Variants in HHAT observed in about 807,000 individuals in gnomAD.
The protein encoded by HHAT is protein-cysteine N-palmitoyltransferase HHAT.
HHAT carries 47 observed loss-of-function variants against 70.8 expected under a neutral mutation model. That is an observed-to-expected ratio of 0.66 (90% confidence interval 0.53 to 0.85). The LOEUF (loss-of-function observed/expected upper bound fraction) is 0.85, where lower values mean the gene tolerates loss of function less well. Ranked by LOEUF, HHAT falls within the 40% of genes least tolerant of loss-of-function variation. The probability of loss-of-function intolerance (pLI) is 0.00; values close to 1 mark genes in which losing one functional copy is unlikely to be tolerated. For synonymous variants in HHAT, 228 were observed against 247.6 expected (o/e 0.92, Z 0.74); for missense variants, 609 against 604.8 (o/e 1.01, Z -0.07).
chr1:210,596,857 T>C (rs1433041742), intron 10 of HHAT, among the ~76,000 whole-genome samples: 1 of 152,180 alleles, frequency 6.6e-6, no homozygotes, highest in East Asian at 1.9e-4. Flanking sequence ...CATATTTTCA[T>C]GGATGGTTGT....
chr1:210,615,911 C>A (rs1667623051), intron 10 of HHAT, among the ~76,000 whole-genome samples: 1 of 152,198 alleles, frequency 6.6e-6, no homozygotes, highest in Non-Finnish European at 1.5e-5. Flanking sequence ...GGCAGTCTGT[C>A]TGTTCTCAGA....
intron 10 of HHAT, among the ~76,000 whole-genome samples, chr1:210,598,671 G>T (rs1161198551): frequency 1.3e-5 from 2 of 152,198 alleles, no homozygotes; most frequent in Non-Finnish European, 2.9e-5. Flanking sequence ...TGTACAAGTT[G>T]TCACTCCCCG....
chr1:210,356,609 T>G (rs577060285), intron 2 of HHAT, among the ~76,000 whole-genome samples: 3 of 152,238 alleles, frequency 2.0e-5, no homozygotes, highest in Non-Finnish European at 4.4e-5. Flanking sequence ...TTTGTTTATT[T>G]CTTTATAAAC....
Position 210,348,573 on chromosome 1 carries a change from C to G in HHAT, c.-43-360C>G, listed in dbSNP as rs540917374. ...TGCTAGGGGCTGGTGAGTCAGAGAT[C>G]ATGGTCCCTGCTATCTGAGGGTCCA... is the stretch of plus-strand genomic sequence containing the variant. On this transcript the variant is annotated intron_variant, in intron 1 of 11. Coordinates refer to ENST00000261458, the MANE Select transcript of HHAT (RefSeq NM_018194.6). 3.3e-5 allele frequency among the ~76,000 whole-genome samples: 5 copies of G among 152,288 alleles called. No homozygotes were observed. In the East Asian group the frequency reaches 9.7e-4, roughly 29 times the overall value.
intron 10 of HHAT, among the ~76,000 whole-genome samples, chr1:210,602,126 G>A (rs1159761457): frequency 6.6e-6 from 1 of 152,136 alleles, no homozygotes; most frequent in African/African-American, 2.4e-5. Context: ...GAGATTTCAT[G>A]GAGAGGAAGT....
intron 9 of HHAT, among the ~76,000 whole-genome samples, chr1:210,560,893 T>C (rs2095617451): frequency 6.6e-6 from 1 of 151,070 alleles, no homozygotes. Flanking sequence ...CTCTTTCTTT[T>C]TGATTTTAAA....
At chr1:210,507,612 G>T (rs958818469) in intron 8 of HHAT, among the ~76,000 whole-genome samples, 1 of 151,808 alleles carries the variant, frequency 6.6e-6, no homozygotes, top group African/African-American at 2.4e-5. Context: ...ACCTGCCTTG[G>T]CCTCCCAAAG....
At chr1:210,439,423 T>C (rs1472066518) in intron 7 of HHAT, among the ~76,000 whole-genome samples, 28 of 151,838 alleles carry the variant, frequency 1.8e-4, no homozygotes. Flanking sequence ...TCCAAACTCA[T>C]ACAGTCAGCT....
chr1:210,601,937 C>CAGAGAG (rs147826172), intron 10 of HHAT, among the ~76,000 whole-genome samples: 2,335 of 146,884 alleles, frequency 0.016, 51 homozygotes, highest in African/African-American at 0.049. Context: ...ATTTGAGACT[C>CAGAGAG]AGAGAGAGAG....
intron 7 of HHAT, among the ~76,000 whole-genome samples, chr1:210,442,753 C>A (rs1417818900): frequency 6.6e-6 from 1 of 152,044 alleles, no homozygotes; most frequent in East Asian, 1.9e-4. Context: ...GGATATTAGC[C>A]CTTTGTCAGA....
intron 7 of HHAT, among the ~76,000 whole-genome samples, chr1:210,425,454 C>G (rs1330675942): frequency 1.3e-5 from 2 of 152,096 alleles, no homozygotes; most frequent in Non-Finnish European, 2.9e-5. Flanking sequence ...AGATTGTCTT[C>G]CAGGATTTTT....
intron 9 of HHAT, among the ~76,000 whole-genome samples, chr1:210,584,963 A>T (rs541225277): frequency 7.9e-4 from 120 of 152,352 alleles, no homozygotes; most frequent in African/African-American, 2.9e-3. Flanking sequence ...TGAGTGCTTG[A>T]TGCCTATTTG....
chr1:210,457,257 G>A (rs1283817401), intron 7 of HHAT, among the ~76,000 whole-genome samples: 4 of 151,848 alleles, frequency 2.6e-5, no homozygotes, highest in Admixed American at 6.6e-5. Flanking sequence ...TTCTTGATTC[G>A]TCTTTATATT....
rs550147868 is a variant in HHAT at position 210,369,430 on chromosome 1, T to C, written c.159+6511T>C. On this transcript the variant is annotated intron_variant, in intron 3 of 11. Coordinates refer to ENST00000261458, the MANE Select transcript of HHAT (RefSeq NM_018194.6). ...GAACATAGATAAAGAGGTACTTCTA[T>C]AAAGACACAGTTCTTAGCTACTCAT... Among the ~76,000 whole-genome samples, 5 of 152,360 alleles carry C rather than the reference T, an allele frequency of 3.3e-5. No homozygotes were observed. The South Asian group carries it at 8.3e-4, about 25-fold the overall frequency.
chr1:210,333,345 G>C lies in HHAT; in HGVS notation c.-44+4241G>C, dbSNP rs1047225110. The stretch of plus-strand genomic sequence containing the variant: ...AGGCTGAGGAGGAAGGATCACTTGA[G>C]CCCAGGAGGTCAAGGCTGCAGTGAG... On this transcript the variant is annotated intron_variant, in intron 1 of 11. Coordinates refer to ENST00000261458, the MANE Select transcript of HHAT (RefSeq NM_018194.6). 7.9e-5 allele frequency among the ~76,000 whole-genome samples: 12 copies of C among 152,118 alleles called. 1 individual carries two copies. The highest frequency in any genetic ancestry group is 2.9e-4 in the African/African-American group (12 of 41,446).
intron 9 of HHAT, among the ~76,000 whole-genome samples, chr1:210,516,390 C>G (rs957450396): frequency 6.6e-6 from 1 of 152,090 alleles, no homozygotes; most frequent in African/African-American, 2.4e-5. Context: ...GTCCTTTAGA[C>G]TTAGAGAAAG....
intron 9 of HHAT, among the ~76,000 whole-genome samples, chr1:210,517,628 A>G (rs2095080044): frequency 6.6e-6 from 1 of 152,218 alleles, no homozygotes; most frequent in South Asian, 2.1e-4. Context: ...GCTCTATTGT[A>G]TCATAGGGTG....
intron 4 of HHAT, among the ~76,000 whole-genome samples, chr1:210,391,951 C>T (rs1008761862): frequency 3.3e-5 from 5 of 152,012 alleles, no homozygotes; most frequent in Non-Finnish European, 7.4e-5. Context: ...CTCACTGTAA[C>T]CTCCAACTCC....
intron 8 of HHAT, among the ~76,000 whole-genome samples, chr1:210,488,831 C>T (rs2094510405): frequency 6.6e-6 from 1 of 152,126 alleles, no homozygotes; most frequent in Non-Finnish European, 1.5e-5. Context: ...AGGCAGAGAT[C>T]GCAGTGAGCC....
Sources: gnomAD v4.1 joint callset for allele counts (sites outside exome capture counted in the v4.1 genomes callset) on GRCh38, gnomAD v4.1.1 for gene constraint, MANE v1.5 for transcripts, NCBI Gene and HGNC (gene_info 2026-07-23, HGNC 2026-07-21) for gene names.